The following CDH2 variants were observed in gnomAD, a reference collection of about 807,000 sequenced individuals.
CDH2 encodes cadherin 2, also known as cadherin-2.
CDH2 carries 17 observed loss-of-function variants against 92.0 expected under a neutral mutation model. The ratio of observed to expected loss-of-function variants is 0.18; its 90% confidence interval spans 0.13 to 0.28. CDH2 has a LOEUF of 0.28. Ranked by LOEUF, CDH2 falls within the 10% of genes least tolerant of loss-of-function variation. The pLI, the probability that CDH2 is intolerant of heterozygous loss-of-function variation, is 1.00. For synonymous variants in CDH2, 419 were observed against 415.9 expected, an observed-to-expected ratio of 1.01 and a Z score of -0.09; for missense variants, 862 against 1,133.1, an observed-to-expected ratio of 0.76 and a Z score of 3.44.
chr18:28,098,488 G>T (rs2015173754), intron 2 of CDH2, among the ~76,000 whole-genome samples: 1 of 151,878 alleles, frequency 6.6e-6, no homozygotes, highest in Non-Finnish European at 1.5e-5. Flanking sequence ...TCTGTTTAAA[G>T]ACACCTTATT....
Position 28,011,978 on chromosome 18 carries a change from A to G in CDH2, c.414T>C (p.Val138=). ...ATTGTCTTGGGAACACTATTTCTTC[A>G]ACTTCTGCTGACTCCTTTACATTAA... The part of the protein sequence containing the change: ...TEESVKESAE[V]EEIVFPRQFS... The change falls in exon 4 of 16, where the codon GTT becomes GTC. Residue 138 remains valine (V), a synonymous_variant. Transcript: ENST00000269141. 6.2e-7 allele frequency: 1 copy of G among 1,613,726 alleles called. No individual in the cohort carries two copies. The highest frequency in any genetic ancestry group is 8.5e-7 in the Non-Finnish European group (1 of 1,179,788).
intron 2 of CDH2, among the ~76,000 whole-genome samples, chr18:28,133,673 T>TTTGC (rs1246982489): frequency 7.5e-4 from 114 of 152,186 alleles, no homozygotes; most frequent in African/African-American, 2.6e-3. Context: ...AATTCTCTTG[T>TTTGC]TTGCGTGCAG....
At chr18:28,007,059 C>A (rs2012945524) in intron 5 of CDH2, among the ~76,000 whole-genome samples, 1 of 149,686 alleles carries the variant, frequency 6.7e-6, no homozygotes, top group Admixed American at 6.7e-5. Context: ...TACTCAGAGG[C>A]TGAGGCAGGA....
intron 2 of CDH2, among the ~76,000 whole-genome samples, chr18:28,045,255 C>T (rs1290451505): frequency 2.6e-5 from 4 of 152,160 alleles, no homozygotes; most frequent in Non-Finnish European, 4.4e-5. Context: ...TCTTATGAGG[C>T]CTCTAGTAAT....
chr18:27,976,142 T>C (rs1175701929), intron 14 of CDH2, among the ~76,000 whole-genome samples: 5 of 152,134 alleles, frequency 3.3e-5, no homozygotes, highest in African/African-American at 4.8e-5. Context: ...CTTTGGGCCA[T>C]AGGTTCCAGG....
chr18:28,093,784 C>T (rs895137129), intron 2 of CDH2, among the ~76,000 whole-genome samples: 8 of 152,160 alleles, frequency 5.3e-5, no homozygotes, highest in Admixed American at 1.3e-4. Flanking sequence ...TTGTACATGT[C>T]TTTGTCACAA....
chr18:27,971,027 G>A (rs2011642786), intron 14 of CDH2, among the ~76,000 whole-genome samples: 2 of 152,166 alleles, frequency 1.3e-5, no homozygotes, highest in South Asian at 4.1e-4. Flanking sequence ...CACGAGGTCA[G>A]GAGTTCCAGA....
At chr18:28,149,828 C>T (rs996034299) in intron 1 of CDH2, among the ~76,000 whole-genome samples, 8 of 152,196 alleles carry the variant, frequency 5.3e-5, no homozygotes, top group African/African-American at 1.7e-4. Context: ...TCCGCATAGA[C>T]ACACAGGTAC....
At chr18:27,987,843 C>T (rs1030310241) in intron 11 of CDH2, among the ~76,000 whole-genome samples, 2 of 152,068 alleles carry the variant, frequency 1.3e-5, no homozygotes, top group African/African-American at 2.4e-5. Context: ...GTGGGAAAGC[C>T]GGAGTCTGCA....
chr18:28,027,594 T>C (rs2013588546), intron 2 of CDH2, among the ~76,000 whole-genome samples: 2 of 152,126 alleles, frequency 1.3e-5, no homozygotes, highest in African/African-American at 4.8e-5. Context: ...AAATATAAAA[T>C]TTAGCTTTCA....
chr18:28,074,737 A>G (rs994246813), intron 2 of CDH2, among the ~76,000 whole-genome samples: 35 of 151,326 alleles, frequency 2.3e-4, no homozygotes, highest in African/African-American at 7.8e-4. Flanking sequence ...TCTTTGTTGA[A>G]CAGCTTTCTC....
intron 2 of CDH2, among the ~76,000 whole-genome samples, chr18:28,134,921 G>A (rs568112134): frequency 7.9e-5 from 12 of 152,252 alleles, no homozygotes; most frequent in African/African-American, 2.4e-4. Flanking sequence ...ATGGGAAAGC[G>A]GAAGGTGCCC....
At chr18:27,980,548 C>T (rs1007545170) in intron 14 of CDH2, among the ~76,000 whole-genome samples, 5 of 152,150 alleles carry the variant, frequency 3.3e-5, no homozygotes, top group South Asian at 2.1e-4. Flanking sequence ...TGCATAAAAA[C>T]CCCATTATAT....
intron 1 of CDH2, among the ~76,000 whole-genome samples, chr18:28,176,384 G>A (rs1056137417): frequency 6.6e-6 from 1 of 152,040 alleles, no homozygotes; most frequent in Non-Finnish European, 1.5e-5. Flanking sequence ...ACAGAATATT[G>A]TGAGGGCAAG....
intron 14 of CDH2, among the ~76,000 whole-genome samples, chr18:27,980,589 T>C (rs2012014566): frequency 6.6e-6 from 1 of 152,050 alleles, no homozygotes; most frequent in Non-Finnish European, 1.5e-5. Context: ...GAATGAGAAC[T>C]GCATGGAGAA....
chr18:28,059,983 C>A (rs2014368733), intron 2 of CDH2, among the ~76,000 whole-genome samples: 1 of 152,106 alleles, frequency 6.6e-6, no homozygotes, highest in South Asian at 2.1e-4. Flanking sequence ...GTAATATGAT[C>A]CTCTGCACTC....
At chr18:27,974,558 G>GT (rs2011762087) in intron 14 of CDH2, among the ~76,000 whole-genome samples, 1 of 152,160 alleles carries the variant, frequency 6.6e-6, no homozygotes, top group Non-Finnish European at 1.5e-5. Flanking sequence ...TTCCAGACAT[G>GT]TCCCCCAAAA....
At chr18:28,088,219 C>A (rs756951788) in intron 2 of CDH2, among the ~76,000 whole-genome samples, 9 of 152,068 alleles carry the variant, frequency 5.9e-5, no homozygotes. Flanking sequence ...AGTATAATTT[C>A]TTTTTCTACT....
At chr18:27,956,747 G>A (rs924818409) in intron 15 of CDH2, among the ~76,000 whole-genome samples, 1 of 151,982 alleles carries the variant, frequency 6.6e-6, no homozygotes, top group Non-Finnish European at 1.5e-5. Context: ...CCCCGACAAT[G>A]GGCAAAATGA....
Sources: gnomAD v4.1 joint callset for allele counts (sites outside exome capture counted in the v4.1 genomes callset) on GRCh38, gnomAD v4.1.1 for gene constraint, MANE v1.5 for transcripts, NCBI Gene and HGNC (gene_info 2026-07-23, HGNC 2026-07-21) for gene names.